Variants in YWHAG observed in about 807,000 individuals in gnomAD.
The protein encoded by YWHAG is 14-3-3 protein gamma.
A neutral mutation model predicts 23.3 loss-of-function variants in YWHAG; 1 was observed. The observed-to-expected ratio is 0.04, with a 90% confidence interval of 0.02 to 0.20. The LOEUF is 0.20. Ranked by LOEUF, YWHAG falls within the 10% of genes least tolerant of loss-of-function variation. The probability of loss-of-function intolerance (pLI) is 1.00; values close to 1 mark genes in which losing one functional copy is unlikely to be tolerated. For missense variants in YWHAG, 151 were observed against 338.6 expected (o/e 0.45, Z 4.35); for synonymous variants, 160 against 144.0 (o/e 1.11, Z -0.80).
chr7:76,335,203 G>A (rs564732003), intron 1 of YWHAG, among the ~76,000 whole-genome samples: 4 of 152,108 alleles, frequency 2.6e-5, no homozygotes, highest in African/African-American at 9.7e-5. Flanking sequence ...GATTACAGGC[G>A]TGTGCCACTA....
At chr7:76,344,196 C>T (rs1037263917) in intron 1 of YWHAG, among the ~76,000 whole-genome samples, 1 of 152,010 alleles carries the variant, frequency 6.6e-6, no homozygotes, top group Non-Finnish European at 1.5e-5. Flanking sequence ...CTGCAGCCTC[C>T]ACCTCCCAGG....
rs1046305 is a variant in YWHAG, at chr7:76,328,282, G to T, written c.*1295C>A. 6.6e-6 allele frequency: 1 copy of T among 152,154 alleles called. No individual in the cohort carries two copies. Among genetic ancestry groups the T allele is most frequent in the African/African-American group, 2.4e-5 (1 of 41,530 alleles). 9.4% of individuals were successfully genotyped at this position (152,154 alleles called of 1,614,324 possible). A position where few individuals can be genotyped will look rare whatever the true frequency, so the allele number is the denominator to read the frequency against. Reference sequence around the variant, plus strand: ...ATTCCTATGCTTTTTTCATTAAAAAGAAAAAACTATCTCGAGAGGAAAAAG... The same window carrying T: ...ATTCCTATGCTTTTTTCATTAAAAATAAAAAACTATCTCGAGAGGAAAAAG... On this transcript the variant is annotated 3_prime_UTR_variant, in exon 2 of 2. Transcript: ENST00000307630.
chr7:76,327,307 A>G lies in YWHAG; in HGVS notation c.*2270T>C, dbSNP rs2115579354. On this transcript the variant is annotated 3_prime_UTR_variant, in exon 2 of 2. Coordinates refer to ENST00000307630, the MANE Select transcript of YWHAG (RefSeq NM_012479.4). ...TAACACCTACAGTATAAGTTAATCA[A>G]TTTCAAGCTACTGTATAGAAATACA... is the stretch of plus-strand genomic sequence containing the variant. 6.6e-6 allele frequency: 1 copy of G among 152,196 alleles called. No individual in the cohort carries two copies. Among genetic ancestry groups the G allele is most frequent in the South Asian group, 2.1e-4 (1 of 4,832 alleles). 9.4% of individuals were successfully genotyped at this position (152,196 alleles called of 1,614,324 possible). A position where few individuals can be genotyped will look rare whatever the true frequency, so the allele number is the denominator to read the frequency against.
At chr7:76,354,375 G>T (rs1236102537) in intron 1 of YWHAG, among the ~76,000 whole-genome samples, 3 of 152,034 alleles carry the variant, frequency 2.0e-5, no homozygotes, top group African/African-American at 7.3e-5. Context: ...ACTGGGCGTG[G>T]TGGTGGGTGC....
Position 76,328,455 on chromosome 7 carries a change from C to A in YWHAG, c.*1122G>T, listed in dbSNP as rs1466715868. ...TTGGACAGAATGGTTAAGGATATAGCTCTTCCTTTTGGGTTTTTCTACCAG... is the reference window on the plus strand; with the variant it reads ...TTGGACAGAATGGTTAAGGATATAGATCTTCCTTTTGGGTTTTTCTACCAG... On this transcript the variant is annotated 3_prime_UTR_variant, in exon 2 of 2. Coordinates refer to ENST00000307630, the MANE Select transcript of YWHAG (RefSeq NM_012479.4). 2 of 152,162 alleles carry A rather than the reference C, an allele frequency of 1.3e-5. No homozygotes were observed. Among genetic ancestry groups the A allele is most frequent in the Non-Finnish European group, 2.9e-5 (2 of 68,030 alleles). The allele number at this position is 152,162 out of a possible 1,614,324, so 9.4% of individuals were successfully genotyped here.
intron 1 of YWHAG, among the ~76,000 whole-genome samples, chr7:76,354,818 TC>T (rs1803927162): frequency 6.6e-6 from 1 of 152,180 alleles, no homozygotes; most frequent in African/African-American, 2.4e-5. Flanking sequence ...ATTTCCATAA[TC>T]CCCAAAGAGT....
At chr7:76,342,523 C>T (rs992632057) in intron 1 of YWHAG, among the ~76,000 whole-genome samples, 8 of 152,166 alleles carry the variant, frequency 5.3e-5, no homozygotes, top group African/African-American at 1.2e-4. Context: ...AACTGCCATT[C>T]GCTGGCCTTA....
chr7:76,346,927 C>T (rs772922288), intron 1 of YWHAG, among the ~76,000 whole-genome samples: 12 of 152,142 alleles, frequency 7.9e-5, no homozygotes, highest in Non-Finnish European at 1.3e-4. Context: ...CACAGCATTC[C>T]CTGAATGCCA....
At position 76,330,090 on chromosome 7, in the gene YWHAG, C is replaced by T. The variant is rs1159721041; in HGVS notation, c.231G>A (p.Lys77=). Residue 77 remains lysine (K), a synonymous_variant, in exon 2 of 2, where the codon AAG becomes AAA. Coordinates refer to ENST00000307630, the MANE Select transcript of YWHAG (RefSeq NM_012479.4). ...EQKTSADGNE[K]KIEMVRAYRE... is the part of the protein sequence containing the mutation. ...GGTACGCACGGACCATCTCAATCTTCTTCTCATTGCCGTCTGCAGATGTCT... is the reference window on the plus strand; with the variant it reads ...GGTACGCACGGACCATCTCAATCTTTTTCTCATTGCCGTCTGCAGATGTCT... 4 of 1,614,208 alleles carry T rather than the reference C, an allele frequency of 2.5e-6. No individual in the cohort carries two copies. The highest frequency in any genetic ancestry group is 1.7e-5 in the Admixed American group (1 of 60,022).
chr7:76,357,426 T>G (rs1803977001), intron 1 of YWHAG, among the ~76,000 whole-genome samples: 1 of 152,224 alleles, frequency 6.6e-6, no homozygotes, highest in Non-Finnish European at 1.5e-5. Context: ...AATTAAATAT[T>G]AAGATAGTGG....
chr7:76,357,136 T>C (rs1803973790), intron 1 of YWHAG, among the ~76,000 whole-genome samples: 1 of 152,228 alleles, frequency 6.6e-6, no homozygotes, highest in African/African-American at 2.4e-5. Context: ...TTACATCATT[T>C]AAGCATTAAA....
chr7:76,348,335 T>C (rs2115638573), intron 1 of YWHAG, among the ~76,000 whole-genome samples: 1 of 150,140 alleles, frequency 6.7e-6, no homozygotes, highest in Admixed American at 6.7e-5. Flanking sequence ...CTCAGCTCAC[T>C]GTAGCCTGTC....
chr7:76,334,465 T>C (rs531420844), intron 1 of YWHAG, among the ~76,000 whole-genome samples: 66 of 152,334 alleles, frequency 4.3e-4, no homozygotes, highest in Middle Eastern at 3.4e-3. Context: ...TCTCACTCTG[T>C]TGCCCTGGCT....
chr7:76,352,750 A>C (rs1416830861), intron 1 of YWHAG, among the ~76,000 whole-genome samples: 1 of 151,938 alleles, frequency 6.6e-6, no homozygotes, highest in East Asian at 1.9e-4. Flanking sequence ...CTTGGGTTCA[A>C]GTGATTCTCC....
chr7:76,343,742 C>T (rs1803734498), intron 1 of YWHAG, among the ~76,000 whole-genome samples: 1 of 152,166 alleles, frequency 6.6e-6, no homozygotes, highest in African/African-American at 2.4e-5. Flanking sequence ...ATGAGATAGG[C>T]AAGGCTTGAA....
intron 1 of YWHAG, among the ~76,000 whole-genome samples, chr7:76,356,409 G>A (rs762515406): frequency 6.8e-6 from 1 of 146,982 alleles, no homozygotes; most frequent in Non-Finnish European, 1.5e-5. Context: ...ATACTGTGAA[G>A]GAGCAGAAGC....
Position 76,327,681 on chromosome 7 carries a change from T to TC in YWHAG, c.*1895dup, listed in dbSNP as rs1213979620. Reference sequence around the variant, plus strand: ...CCCACCTACCCTGCCCCCCCCCCCCTCCCCCCCCAAATCGTCTTCCTCCCA... The same window carrying TC: ...CCCACCTACCCTGCCCCCCCCCCCCTCCCCCCCCCAAATCGTCTTCCTCCCA... On this transcript the variant is annotated 3_prime_UTR_variant, in exon 2 of 2. Transcript: ENST00000307630. The TC allele has an allele frequency of 3.2e-5, 1 of 30,784 alleles. No individual in the cohort carries two copies. 1.9% of individuals were successfully genotyped at this position (30,784 alleles called of 1,614,324 possible). A position where few individuals can be genotyped will look rare whatever the true frequency, so the allele number is the denominator to read the frequency against.
chr7:76,348,418 C>T (rs1803819688), intron 1 of YWHAG, among the ~76,000 whole-genome samples: 1 of 143,810 alleles, frequency 7.0e-6, no homozygotes. Flanking sequence ...ACCATGCCCG[C>T]TAATTTTTTT....
intron 1 of YWHAG, among the ~76,000 whole-genome samples, chr7:76,333,736 G>C (rs779966388): frequency 2.0e-5 from 3 of 152,228 alleles, no homozygotes; most frequent in Non-Finnish European, 4.4e-5. Context: ...CTGAGTGTGC[G>C]AATGCTGAAG....
Sources: gnomAD v4.1 joint callset for allele counts (sites outside exome capture counted in the v4.1 genomes callset) on GRCh38, gnomAD v4.1.1 for gene constraint, MANE v1.5 for transcripts, NCBI Gene and HGNC (gene_info 2026-07-23, HGNC 2026-07-21) for gene names.